GALNT13: variants seen among roughly 807,000 people sequenced by gnomAD.
GALNT13 encodes the protein UDP-GalNAc:polypeptide N-acetylgalactosaminyltransferase 13.
GALNT13 carries 28 observed loss-of-function variants against 64.2 expected under a neutral mutation model. That is an observed-to-expected ratio of 0.44 (90% CI 0.32 to 0.60). The LOEUF (loss-of-function observed/expected upper bound fraction) is 0.60. GALNT13 is among the 20% of genes least tolerant of loss of function. The pLI is 0.05. For synonymous variants in GALNT13, 214 were observed against 224.6 expected (o/e 0.95, Z 0.42); for missense variants, 577 against 669.8 (o/e 0.86, Z 1.53).
At chr2:154,387,802 C>T (rs908352192) in intron 9 of GALNT13, among the ~76,000 whole-genome samples, 5 of 152,114 alleles carry the variant, frequency 3.3e-5, no homozygotes. Context: ...GAATACAACA[C>T]TCTCTTTATC....
chr2:153,166,668 T>A, the GALNT13 span, among the ~76,000 whole-genome samples: 1 of 144,356 alleles, frequency 6.9e-6, no homozygotes, highest in South Asian at 2.2e-4. Flanking sequence ...TGTGTGTGTG[T>A]GTGATGGGAC....
At chr2:154,172,789 A>G (rs924038082) in intron 4 of GALNT13, among the ~76,000 whole-genome samples, 2 of 151,934 alleles carry the variant, frequency 1.3e-5, no homozygotes, top group African/African-American at 4.8e-5. Flanking sequence ...TCTATACAAG[A>G]AAAAACTATA....
the GALNT13 span, among the ~76,000 whole-genome samples, chr2:153,822,584 A>G: frequency 3.3e-5 from 5 of 152,296 alleles, no homozygotes; most frequent in Middle Eastern, 0.017. Flanking sequence ...AACATACCTA[A>G]AATAATAAAA....
intron 4 of GALNT13, among the ~76,000 whole-genome samples, chr2:154,143,962 T>C (rs1053679498): frequency 2.0e-5 from 3 of 151,852 alleles, no homozygotes; most frequent in Non-Finnish European, 4.4e-5. Flanking sequence ...TATGAGTAAG[T>C]CTTAAACTGT....
the GALNT13 span, among the ~76,000 whole-genome samples, chr2:153,629,520 T>G: frequency 6.6e-6 from 1 of 152,120 alleles, no homozygotes; most frequent in African/African-American, 2.4e-5. Flanking sequence ...AAGACTTCAA[T>G]GTTAGACGTA....
the GALNT13 span, among the ~76,000 whole-genome samples, chr2:153,459,607 C>G: frequency 1.5e-4 from 23 of 152,196 alleles, no homozygotes; most frequent in African/African-American, 5.1e-4. Flanking sequence ...ATAACAAAAT[C>G]CTATGAAGCT....
the GALNT13 span, among the ~76,000 whole-genome samples, chr2:153,141,903 T>G: frequency 1.3e-5 from 2 of 152,034 alleles, no homozygotes; most frequent in Non-Finnish European, 2.9e-5. Context: ...CTTATTGTGG[T>G]ACATGCTTAG....
intron 9 of GALNT13, among the ~76,000 whole-genome samples, chr2:154,302,779 T>C (rs949632947): frequency 3.9e-5 from 6 of 152,270 alleles, no homozygotes; most frequent in Admixed American, 1.3e-4. Context: ...TGGGTTAAGA[T>C]AGGAGGTTGT....
chr2:154,224,004 G>A (rs191298760), intron 4 of GALNT13, among the ~76,000 whole-genome samples: 80 of 151,974 alleles, frequency 5.3e-4, no homozygotes, highest in Non-Finnish European at 9.4e-4. Context: ...TCATTCTTCA[G>A]AATTTTAGGA....
chr2:153,491,250 A>G, the GALNT13 span, among the ~76,000 whole-genome samples: 1 of 152,118 alleles, frequency 6.6e-6, no homozygotes, highest in Admixed American at 6.5e-5. Flanking sequence ...TAGAATAAAA[A>G]TTTAACAGAT....
chr2:153,574,184 G>A, the GALNT13 span, among the ~76,000 whole-genome samples: 1 of 150,272 alleles, frequency 6.7e-6, no homozygotes, highest in East Asian at 1.9e-4. Context: ...TTCTCTCCTG[G>A]CCTGTAAGGT....
At chr2:154,008,356 C>T (rs1696399431) in intron 3 of GALNT13, among the ~76,000 whole-genome samples, 1 of 152,104 alleles carries the variant, frequency 6.6e-6, no homozygotes, top group African/African-American at 2.4e-5. Flanking sequence ...ATATCATTTT[C>T]CTATCTGACC....
At chr2:153,753,223 G>A in the GALNT13 span, among the ~76,000 whole-genome samples, 2 of 152,056 alleles carry the variant, frequency 1.3e-5, no homozygotes, top group Non-Finnish European at 2.9e-5. Context: ...ACATAATTCT[G>A]TTTCTCCAGG....
At chr2:153,204,535 C>G in the GALNT13 span, among the ~76,000 whole-genome samples, 1 of 152,142 alleles carries the variant, frequency 6.6e-6, no homozygotes. Flanking sequence ...AGTTCTGTAA[C>G]AGCCACCAGG....
At position 154,346,523 on chromosome 2, in the gene GALNT13, G is replaced by A. The variant is rs543793860; in HGVS notation, c.1156+44934G>A. Among the ~76,000 whole-genome samples, 44 of 152,102 alleles carry A rather than the reference G, an allele frequency of 2.9e-4. No individual in the cohort carries two copies. In the East Asian group the frequency reaches 8.0e-3, roughly 28 times the overall value. On this transcript the variant is annotated intron_variant, in intron 9 of 12. Coordinates refer to ENST00000392825, the MANE Select transcript of GALNT13 (RefSeq NM_052917.4). ...TCTCATGGTAGTGAATAAGTCTCAC[G>A]AGATCTGATGATTTTATAAGGAGTT...
At chr2:154,110,973 TA>T (rs1262875691) in intron 3 of GALNT13, among the ~76,000 whole-genome samples, 4 of 152,152 alleles carry the variant, frequency 2.6e-5, no homozygotes, top group African/African-American at 9.7e-5. Flanking sequence ...AATACTGATA[TA>T]AAGTCAATAA....
At chr2:153,716,678 T>C in the GALNT13 span, among the ~76,000 whole-genome samples, 84 of 152,298 alleles carry the variant, frequency 5.5e-4, no homozygotes, top group African/African-American at 1.9e-3. Context: ...CCAAAGACCT[T>C]TCAATGGTTC....
the GALNT13 span, among the ~76,000 whole-genome samples, chr2:153,130,078 T>C: frequency 2.0e-5 from 3 of 152,146 alleles, no homozygotes; most frequent in African/African-American, 7.2e-5. Context: ...CCCTACCTAA[T>C]ACCAAGTGCA....
the GALNT13 span, among the ~76,000 whole-genome samples, chr2:153,746,592 A>G: frequency 1.3e-5 from 2 of 152,270 alleles, no homozygotes; most frequent in South Asian, 2.1e-4. Flanking sequence ...TAGTGCTGCT[A>G]TGAACATTTT....
Sources: gnomAD v4.1 joint callset for allele counts (sites outside exome capture counted in the v4.1 genomes callset) on GRCh38, gnomAD v4.1.1 for gene constraint, MANE v1.5 for transcripts, NCBI Gene and HGNC (gene_info 2026-07-23, HGNC 2026-07-21) for gene names.